The following PRKG1 variants were observed in gnomAD, a reference collection of about 807,000 sequenced individuals.
PRKG1 encodes protein kinase cGMP-dependent 1.
In PRKG1, 35 loss-of-function variants were observed where a neutral mutation model predicts 88.1. That is an observed-to-expected ratio of 0.40 (90% CI 0.30 to 0.53). The LOEUF (loss-of-function observed/expected upper bound fraction) is 0.53. Among genes scored for constraint, PRKG1 ranks in the 20% least tolerant of loss-of-function variants. The probability of loss-of-function intolerance (pLI) is 0.59; values close to 1 mark genes in which losing one functional copy is unlikely to be tolerated. For synonymous variants in PRKG1, 303 were observed against 292.5 expected (o/e 1.04, Z -0.37); for missense variants, 540 against 839.8 (o/e 0.64, Z 4.41).
chr10:51,530,679 C>G (rs916427956), intron 3 of PRKG1, among the ~76,000 whole-genome samples: 1 of 152,154 alleles, frequency 6.6e-6, no homozygotes, highest in Non-Finnish European at 1.5e-5. Flanking sequence ...TCCCATGTGC[C>G]TTAATGCATC....
At chr10:51,869,031 A>T (rs1841089113) in intron 4 of PRKG1, among the ~76,000 whole-genome samples, 1 of 152,144 alleles carries the variant, frequency 6.6e-6, no homozygotes, top group African/African-American at 2.4e-5. Flanking sequence ...TATAATATTT[A>T]TTGGGTCTTT....
chr10:51,823,836 A>T (rs1437235774), intron 4 of PRKG1, among the ~76,000 whole-genome samples: 2 of 147,250 alleles, frequency 1.4e-5, no homozygotes, highest in African/African-American at 2.5e-5. Context: ...AATTGTTGGT[A>T]ATATTATCCA....
At chr10:52,088,206 A>T (rs929170444) in intron 7 of PRKG1, among the ~76,000 whole-genome samples, 1 of 152,026 alleles carries the variant, frequency 6.6e-6, no homozygotes. Flanking sequence ...TTATTTTTTT[A>T]ATTTAAAAAT....
intron 2 of PRKG1, among the ~76,000 whole-genome samples, chr10:51,215,128 C>T (rs140948051): frequency 7.8e-4 from 119 of 152,214 alleles, no homozygotes; most frequent in Admixed American, 1.0e-3. Context: ...ATCAGAACTA[C>T]CATAAATGAT....
At chr10:51,819,713 C>A (rs767419472) in intron 4 of PRKG1, among the ~76,000 whole-genome samples, 45 of 152,146 alleles carry the variant, frequency 3.0e-4, no homozygotes, top group Non-Finnish European at 5.6e-4. Flanking sequence ...GTGAAAGAGC[C>A]AGAATACAAA....
chr10:51,289,055 A>T (rs528292412), intron 2 of PRKG1, among the ~76,000 whole-genome samples: 2 of 152,306 alleles, frequency 1.3e-5, no homozygotes, highest in South Asian at 4.1e-4. Flanking sequence ...GGAATATCAT[A>T]AATGTGAACA....
At chr10:51,990,775 C>A (rs372002584) in intron 5 of PRKG1, among the ~76,000 whole-genome samples, 1 of 151,952 alleles carries the variant, frequency 6.6e-6, no homozygotes, top group Non-Finnish European at 1.5e-5. Flanking sequence ...TGTGTCCATG[C>A]GTTCTCATCA....
At chr10:51,063,633 TA>T (rs1843716907) in intron 1 of PRKG1, among the ~76,000 whole-genome samples, 1 of 152,226 alleles carries the variant, frequency 6.6e-6, no homozygotes, top group South Asian at 2.1e-4. Flanking sequence ...TGTACGTTAA[TA>T]AGAGTCATTT....
At chr10:51,907,248 G>A (rs1325249510) in intron 4 of PRKG1, among the ~76,000 whole-genome samples, 2 of 152,046 alleles carry the variant, frequency 1.3e-5, no homozygotes, top group Non-Finnish European at 1.5e-5. Flanking sequence ...GACTCAGTCT[G>A]TCCAAACTCC....
intron 2 of PRKG1, among the ~76,000 whole-genome samples, chr10:51,333,718 G>A (rs1841797236): frequency 6.6e-6 from 1 of 152,188 alleles, no homozygotes; most frequent in East Asian, 1.9e-4. Context: ...AAATACATCA[G>A]TGAACATGAT....
chr10:51,631,007 C>A (rs1839511563), intron 3 of PRKG1, among the ~76,000 whole-genome samples: 1 of 152,178 alleles, frequency 6.6e-6, no homozygotes, highest in South Asian at 2.1e-4. Flanking sequence ...GCTTGGTCTC[C>A]ATGTGGCAAA....
intron 2 of PRKG1, among the ~76,000 whole-genome samples, chr10:51,164,102 G>T (rs914887775): frequency 1.1e-4 from 16 of 152,176 alleles, no homozygotes; most frequent in Non-Finnish European, 2.1e-4. Context: ...CCTGAAGTGG[G>T]TCCCTGACCC....
intron 2 of PRKG1, among the ~76,000 whole-genome samples, chr10:51,254,413 T>G (rs1252859010): frequency 6.6e-6 from 1 of 152,022 alleles, no homozygotes; most frequent in Non-Finnish European, 1.5e-5. Context: ...CTAAGTACTC[T>G]CAGTCTGATC....
intron 7 of PRKG1, among the ~76,000 whole-genome samples, chr10:52,064,385 G>A (rs1204923161): frequency 6.6e-6 from 1 of 152,204 alleles, no homozygotes; most frequent in Non-Finnish European, 1.5e-5. Context: ...GAGAAGCCAG[G>A]CAGTGGGAGC....
chr10:51,142,883 T>C (rs956837356), intron 1 of PRKG1, among the ~76,000 whole-genome samples: 1 of 152,108 alleles, frequency 6.6e-6, no homozygotes, highest in African/African-American at 2.4e-5. Flanking sequence ...TATGCTTTTA[T>C]CATGTACAAT....
intron 9 of PRKG1, among the ~76,000 whole-genome samples, chr10:52,177,846 C>G (rs1838905768): frequency 6.6e-6 from 1 of 150,904 alleles, no homozygotes; most frequent in South Asian, 2.1e-4. Flanking sequence ...TGTGATGTCT[C>G]TTTTACCATT....
intron 3 of PRKG1, among the ~76,000 whole-genome samples, chr10:51,483,884 G>A (rs1016239851): frequency 6.6e-6 from 1 of 152,144 alleles, no homozygotes; most frequent in Non-Finnish European, 1.5e-5. Context: ...TTTTGACACT[G>A]CTTTTCAAAG....
chr10:51,837,829 A>G (rs1840170522), intron 4 of PRKG1, among the ~76,000 whole-genome samples: 1 of 152,226 alleles, frequency 6.6e-6, no homozygotes, highest in Admixed American at 6.5e-5. Context: ...TAGATGGTTT[A>G]GGATACTAAG....
Position 52,077,658 on chromosome 10 carries a change from C to T in PRKG1, c.935+15027C>T, listed in dbSNP as rs550844098. Among the ~76,000 whole-genome samples the T allele has an allele frequency of 6.6e-5, 10 of 152,006 alleles. No homozygotes were observed. The East Asian group carries it at 1.9e-3, about 29-fold the overall frequency. ...TTTAAAACTCACTAGACAGTCGTAC[C>T]CACTATCACTTTCATGGTTCTACAC... On this transcript the variant is annotated intron_variant, in intron 7 of 17. Transcript: ENST00000373980.
Sources: gnomAD v4.1 joint callset for allele counts (sites outside exome capture counted in the v4.1 genomes callset) on GRCh38, gnomAD v4.1.1 for gene constraint, MANE v1.5 for transcripts, NCBI Gene and HGNC (gene_info 2026-07-23, HGNC 2026-07-21) for gene names.